Variants in CLEC17A observed in about 807,000 individuals in gnomAD.
The protein encoded by CLEC17A is C-type lectin domain family 17, member A.
In CLEC17A, 37 loss-of-function variants were observed where a neutral mutation model predicts 61.3. The ratio of observed to expected loss-of-function variants is 0.60; its 90% CI spans 0.46 to 0.79. The LOEUF (loss-of-function observed/expected upper bound fraction) is 0.79, where lower values mean the gene tolerates loss of function less well. Ranked by LOEUF, CLEC17A falls within the 30% of genes least tolerant of loss-of-function variation. The pLI, the probability that CLEC17A is intolerant of heterozygous loss-of-function variation, is 0.00. For missense variants in CLEC17A, 418 were observed against 464.7 expected (o/e 0.90, Z 0.92); for synonymous variants, 168 against 164.9 (o/e 1.02, Z -0.14).
At chr19:14,601,148 C>G (rs2074705161) in intron 12 of CLEC17A, among the ~76,000 whole-genome samples, 1 of 151,894 alleles carries the variant, frequency 6.6e-6, no homozygotes, top group African/African-American at 2.4e-5. Flanking sequence ...GGTGATCCTC[C>G]CACCTCTGCC....
intron 2 of CLEC17A, chr19:14,584,431 G>A (rs1296920081): frequency 6.6e-6 from 1 of 152,104 alleles, no homozygotes; most frequent in Non-Finnish European, 1.5e-5. Flanking sequence ...AGGTTTTTGA[G>A]GTATTCCTGA....
chr19:14,583,774 A>G (rs1260097070), intron 2 of CLEC17A, among the ~76,000 whole-genome samples: 1 of 152,120 alleles, frequency 6.6e-6, no homozygotes, highest in Non-Finnish European at 1.5e-5. Flanking sequence ...AGTTAGGTGC[A>G]AAGTCTCTGA....
chr19:14,586,245 C>T (rs1000988047), intron 2 of CLEC17A, among the ~76,000 whole-genome samples: 29 of 151,968 alleles, frequency 1.9e-4, no homozygotes, highest in East Asian at 3.9e-4. Flanking sequence ...CCTGACTCAG[C>T]CTCCCTGGCA....
At chr19:14,588,076 G>T (rs2074328283) in intron 3 of CLEC17A, among the ~76,000 whole-genome samples, 1 of 152,082 alleles carries the variant, frequency 6.6e-6, no homozygotes, top group African/African-American at 2.4e-5. Context: ...ACTGGGAGTG[G>T]ACTGTGGGCT....
intron 13 of CLEC17A, among the ~76,000 whole-genome samples, chr19:14,608,852 T>G (rs558609841): frequency 6.6e-6 from 1 of 150,844 alleles, no homozygotes; most frequent in Non-Finnish European, 1.5e-5. Context: ...CGAGCTGTAG[T>G]GCAGTGGCAC....
chr19:14,585,787 A>G (rs1382994799), intron 2 of CLEC17A, among the ~76,000 whole-genome samples: 12 of 147,390 alleles, frequency 8.1e-5, no homozygotes, highest in Admixed American at 5.5e-4. Flanking sequence ...TCAAGCTAGA[A>G]CTACCCAGCT....
At chr19:14,589,754 A>T (rs931168548) in intron 3 of CLEC17A, among the ~76,000 whole-genome samples, 1 of 151,790 alleles carries the variant, frequency 6.6e-6, no homozygotes, top group Non-Finnish European at 1.5e-5. Context: ...TCCCACAACG[A>T]CTCAGAGCTG....
At chr19:14,594,257 A>G (rs967831419) in intron 4 of CLEC17A, among the ~76,000 whole-genome samples, 12 of 152,132 alleles carry the variant, frequency 7.9e-5, no homozygotes, top group African/African-American at 2.7e-4. Flanking sequence ...AGTCTGAGCA[A>G]CAGAGCAAGA....
rs546704606 is a variant in CLEC17A at position 14,610,814 on chromosome 19, C to T, written c.*618C>T. ...AGGATTACAGGTGTGAGCCACTGTG[C>T]CTGGCTCAAAATTATTATTATTATT... On this transcript the variant is annotated 3_prime_UTR_variant, in exon 14 of 14. Transcript: ENST00000417570. 1.3e-5 allele frequency: 2 copies of T among 152,256 alleles called. No homozygotes were observed. Among genetic ancestry groups the T allele is most frequent in the Admixed American group, 1.3e-4 (2 of 15,278 alleles). 9.4% of individuals were successfully genotyped at this position (152,256 alleles called of 1,614,324 possible). A position where few individuals can be genotyped will look rare whatever the true frequency, so the allele number is the denominator to read the frequency against.
chr19:14,585,070 C>A (rs1177976955), intron 2 of CLEC17A, among the ~76,000 whole-genome samples: 5 of 152,222 alleles, frequency 3.3e-5, no homozygotes, highest in Non-Finnish European at 5.9e-5. Flanking sequence ...CCTCCATCCC[C>A]TTCCATCCCT....
chr19:14,588,175 ACTGATAAGT>A (rs2074331004), intron 3 of CLEC17A, among the ~76,000 whole-genome samples: 3 of 151,706 alleles, frequency 2.0e-5, no homozygotes, highest in African/African-American at 7.3e-5. Context: ...CCAACAGGAG[ACTGATAAGT>A]GGTTGTTAAA....
At chr19:14,594,978 T>C (rs2074508361) in intron 7 of CLEC17A, among the ~76,000 whole-genome samples, 178 bp downstream of exon 7, 1 of 152,182 alleles carries the variant, frequency 6.6e-6, no homozygotes, top group Non-Finnish European at 1.5e-5. Flanking sequence ...TTCAAGTGAT[T>C]CTCCTGCTTC....
chr19:14,587,551 C>A, intron 2 of CLEC17A, 63 bp from the exon 3 acceptor site: 3 of 1,494,494 alleles, frequency 2.0e-6, no homozygotes, highest in Non-Finnish European at 2.7e-6. Flanking sequence ...AGGCAGAGAC[C>A]AGGGCTTGAG....
intron 12 of CLEC17A, 52 bp downstream of exon 12, chr19:14,600,234 CT>C: frequency 6.3e-7 from 1 of 1,595,954 alleles, no homozygotes; most frequent in Middle Eastern, 1.7e-4. Context: ...GCCTGCTTCT[CT>C]TCCAGGATGC....
chr19:14,596,630 T>C (rs189366195), intron 8 of CLEC17A, among the ~76,000 whole-genome samples: 21 of 152,172 alleles, frequency 1.4e-4, no homozygotes, highest in Admixed American at 1.3e-3. Context: ...TGAAACCTTG[T>C]TTCAAGAAGG....
At position 14,610,115 on chromosome 19, in the gene CLEC17A, C is replaced by T; in HGVS notation, c.1056C>T (p.Thr352=). ...ACATCCACGATGAGGACTGTGCTAC[C>T]ATGAACAAAGGTGGCACCTGGAATG... is the stretch of plus-strand genomic sequence containing the variant. ...PNNIHDEDCA[T]MNKGGTWNDL... is the part of the protein sequence containing the mutation. The change falls in exon 14 of 14, where the codon ACC becomes ACT. Residue 352 remains threonine (T), a synonymous_variant. Coordinates refer to ENST00000417570, the MANE Select transcript of CLEC17A (RefSeq NM_001204118.2). The T allele has an allele frequency of 2.5e-6, 4 of 1,612,066 alleles. No homozygotes were observed. The highest frequency in any genetic ancestry group is 2.2e-5 in the East Asian group (1 of 44,846).
chr19:14,609,440 T>C (rs184862706), intron 13 of CLEC17A, among the ~76,000 whole-genome samples: 2 of 152,312 alleles, frequency 1.3e-5, no homozygotes, highest in African/African-American at 2.4e-5. Context: ...GGCCCTGCTT[T>C]AAGCAAGAGC....
chr19:14,609,288 G>A (rs2146766280), intron 13 of CLEC17A, among the ~76,000 whole-genome samples: 1 of 152,262 alleles, frequency 6.6e-6, no homozygotes, highest in South Asian at 2.1e-4. Flanking sequence ...CATCCCAGTG[G>A]TCTCTGTTGG....
chr19:14,592,450 C>T, intron 4 of CLEC17A, 92 bp downstream of exon 4: 3 of 1,571,114 alleles, frequency 1.9e-6, no homozygotes, highest in South Asian at 2.3e-5. Context: ...CACAGTCAGT[C>T]TCCTCTGTAT....
Sources: gnomAD v4.1 joint callset for allele counts (sites outside exome capture counted in the v4.1 genomes callset) on GRCh38, gnomAD v4.1.1 for gene constraint, MANE v1.5 for transcripts, NCBI Gene and HGNC (gene_info 2026-07-23, HGNC 2026-07-21) for gene names.